Variants in EHMT1 observed in about 807,000 individuals in gnomAD.
EHMT1 encodes histone-lysine N-methyltransferase EHMT1.
A neutral mutation model predicts 147.2 loss-of-function variants in EHMT1; 15 were observed. The ratio of observed to expected loss-of-function variants is 0.10; its 90% confidence interval spans 0.07 to 0.16. The LOEUF (loss-of-function observed/expected upper bound fraction) is 0.16. EHMT1 is among the 10% of genes least tolerant of loss of function. The pLI, the probability that EHMT1 is intolerant of heterozygous loss-of-function variation, is 1.00. For synonymous variants in EHMT1, 795 were observed against 709.6 expected (o/e 1.12, Z -1.91); for missense variants, 1,587 against 1,772.4 (o/e 0.90, Z 1.88).
chr9:137,725,167 G>A (rs937217775), intron 3 of EHMT1, among the ~76,000 whole-genome samples: 4 of 150,844 alleles, frequency 2.7e-5, no homozygotes, highest in African/African-American at 7.3e-5. Flanking sequence ...TGTGGCATTC[G>A]TGTGGCAGGC....
rs967804485 is a variant in EHMT1 at position 137,732,544 on chromosome 9, T to G, written c.823+4015T>G. On this transcript the variant is annotated intron_variant, in intron 4 of 26. Coordinates refer to ENST00000460843, the MANE Select transcript of EHMT1 (RefSeq NM_024757.5). This position sits in a 1 kb window ranked among gnomAD's most constrained non-coding sequence, Gnocchi z 4.6. ...GCTGAGTCTGGGGGTTTATGTGGGC[T>G]CAGAATGGAGGAAGTGCATGAAGTG... 6.6e-6 allele frequency among the ~76,000 whole-genome samples: 1 copy of G among 152,150 alleles called. No homozygotes were observed. Among genetic ancestry groups the G allele is most frequent in the Non-Finnish European group, 1.5e-5 (1 of 68,010 alleles).
chr9:137,742,287 ATTTGTGTGTGTG>A (rs1314445888), intron 4 of EHMT1, among the ~76,000 whole-genome samples: 1 of 94,486 alleles, frequency 1.1e-5, no homozygotes, highest in African/African-American at 4.6e-5. Flanking sequence ...GTAGAACCAA[ATTTGTGTGTGTG>A]TGTGTGTGTG....
At chr9:137,644,855 G>T (rs1435236301) in intron 1 of EHMT1, among the ~76,000 whole-genome samples, 1 of 151,940 alleles carries the variant, frequency 6.6e-6, no homozygotes, top group East Asian at 1.9e-4. Context: ...TGAGGTTAGG[G>T]CTCTATTTAT....
chr9:137,726,067 A>G (rs1946592702), intron 3 of EHMT1, among the ~76,000 whole-genome samples: 1 of 150,996 alleles, frequency 6.6e-6, no homozygotes, highest in Admixed American at 6.6e-5. Flanking sequence ...CCTTGACTAT[A>G]GTTGATGCAG....
chr9:137,815,137 C>T (rs372721180), intron 22 of EHMT1, among the ~76,000 whole-genome samples: 1 of 152,076 alleles, frequency 6.6e-6, no homozygotes, highest in South Asian at 2.1e-4. Context: ...TAAAGAGACG[C>T]GAGCAGGGAG....
At chr9:137,657,353 G>T (rs1011358749) in intron 1 of EHMT1, among the ~76,000 whole-genome samples, 1 of 152,118 alleles carries the variant, frequency 6.6e-6, no homozygotes, top group South Asian at 2.1e-4. Flanking sequence ...TGTCTTTCTC[G>T]TGGCAGTGTT....
intron 4 of EHMT1, among the ~76,000 whole-genome samples, chr9:137,742,204 G>A (rs563598237): frequency 1.3e-5 from 2 of 152,250 alleles, no homozygotes; most frequent in East Asian, 3.9e-4. Flanking sequence ...TGTGGGTGGT[G>A]CTGTCAAAGG....
At chr9:137,636,871 TA>T (rs1322532453) in intron 1 of EHMT1, among the ~76,000 whole-genome samples, 1 of 151,736 alleles carries the variant, frequency 6.6e-6, no homozygotes, top group African/African-American at 2.4e-5. Context: ...AAAAATTTAT[TA>T]TTTTTTTTTG....
intron 1 of EHMT1, among the ~76,000 whole-genome samples, chr9:137,642,380 A>G (rs1404481260): frequency 6.6e-6 from 1 of 151,082 alleles, no homozygotes; most frequent in African/African-American, 2.4e-5. Context: ...ATCATAGTGC[A>G]CCGTGGCCTT....
intron 3 of EHMT1, among the ~76,000 whole-genome samples, chr9:137,721,466 G>A (rs1438320920): frequency 1.6e-4 from 4 of 25,078 alleles, no homozygotes; most frequent in Non-Finnish European, 2.7e-4. Context: ...CCTCTCCCAC[G>A]CCTCTCACCC....
At chr9:137,765,565 T>C (rs981211153) in intron 10 of EHMT1, among the ~76,000 whole-genome samples, 16 of 152,098 alleles carry the variant, frequency 1.1e-4, no homozygotes, top group Non-Finnish European at 1.2e-4. Context: ...AAAACAAACA[T>C]TGGGCTGAAC....
chr9:137,776,782 A>G lies in EHMT1; in HGVS notation c.1956A>G (p.Thr652=), dbSNP rs781433588. The G allele has an allele frequency of 6.2e-6, 10 of 1,613,960 alleles. No homozygotes were observed. In the East Asian group the frequency reaches 2.2e-4, roughly 36 times the overall value. The stretch of plus-strand genomic sequence containing the variant: ...AAGCAGACACCACCTCGACCGTGAC[A>G]CCAGTCCCCGGGCAGGAGAAGGGCT... ...IAKADTTSTV[T]PVPGQEKGSA... is the part of the protein sequence containing the mutation. Residue 652 remains threonine (T), a synonymous_variant, in exon 12 of 27, where the codon ACA becomes ACG. Transcript: ENST00000460843. This position sits in a 1 kb window ranked among gnomAD's most constrained non-coding sequence, Gnocchi z 4.4.
At chr9:137,789,448 C>T (rs1475739187) in intron 15 of EHMT1, among the ~76,000 whole-genome samples, 1 of 152,214 alleles carries the variant, frequency 6.6e-6, no homozygotes, top group Non-Finnish European at 1.5e-5. Context: ...GCACGGGCCT[C>T]GCTCTCTACC....
intron 1 of EHMT1, among the ~76,000 whole-genome samples, chr9:137,643,101 T>A (rs1183761787): frequency 6.6e-6 from 1 of 152,056 alleles, no homozygotes; most frequent in Non-Finnish European, 1.5e-5. Flanking sequence ...CAGGCTGGTC[T>A]CCAACTCCTG....
At chr9:137,789,392 C>G (rs1952318678) in intron 15 of EHMT1, among the ~76,000 whole-genome samples, 1 of 152,256 alleles carries the variant, frequency 6.6e-6, no homozygotes, top group African/African-American at 2.4e-5. Flanking sequence ...GGGGGAGCAG[C>G]CTCTGTGTGC....
intron 1 of EHMT1, among the ~76,000 whole-genome samples, chr9:137,699,805 C>G (rs1293618739): frequency 6.6e-6 from 1 of 152,198 alleles, no homozygotes; most frequent in Admixed American, 6.5e-5. Context: ...GCTGTGGTTG[C>G]ACCACTGCAC....
intron 4 of EHMT1, among the ~76,000 whole-genome samples, chr9:137,729,444 G>A (rs897815987): frequency 6.6e-6 from 1 of 151,996 alleles, no homozygotes; most frequent in Non-Finnish European, 1.5e-5. Context: ...AAAATTAGCC[G>A]GGCATGGTGG....
At chr9:137,642,644 A>T (rs890690675) in intron 1 of EHMT1, among the ~76,000 whole-genome samples, 1 of 152,148 alleles carries the variant, frequency 6.6e-6, no homozygotes, top group Non-Finnish European at 1.5e-5. Flanking sequence ...ACTATATGAA[A>T]TATTTATTTG....
At chr9:137,721,254 T>TCCCAGACTTCTCACACTCACCCCCA in intron 3 of EHMT1, among the ~76,000 whole-genome samples, 1 of 66,816 alleles carries the variant, frequency 1.5e-5, no homozygotes, top group African/African-American at 5.5e-5. Flanking sequence ...ACTCGCCCCC[T>TCCCAGACTTCTCACACTCACCCCCA]CCCAGACTTC....
Sources: allele counts gnomAD v4.1 joint callset (sites outside exome capture counted in the v4.1 genomes callset), GRCh38; gene constraint gnomAD v4.1.1; non-coding constraint Gnocchi (gnomAD v3.1); transcripts MANE v1.5; gene names NCBI Gene and HGNC (gene_info 2026-07-23, HGNC 2026-07-21).